The following SPAG16 variants were observed in gnomAD, a reference collection of about 807,000 sequenced individuals.
SPAG16 encodes sperm associated antigen 16, also known as sperm-associated antigen 16 protein.
Under a neutral mutation model 80.4 loss-of-function variants are expected in SPAG16, and 86 were observed. The ratio of observed to expected loss-of-function variants is 1.07; its 90% CI spans 0.90 to 1.28. The LOEUF (loss-of-function observed/expected upper bound fraction) is 1.28, where lower values mean the gene tolerates loss of function less well. SPAG16 is among the 50% of genes most tolerant of loss of function. SPAG16 has a pLI of 0.00. For synonymous variants in SPAG16, 294 were observed against 265.9 expected, an observed-to-expected ratio of 1.11 and a Z score of -1.03; for missense variants, 870 against 765.3, an observed-to-expected ratio of 1.14 and a Z score of -1.61.
At chr2:214,336,540 A>G (rs1319043027) in intron 15 of SPAG16, among the ~76,000 whole-genome samples, 1 of 152,146 alleles carries the variant, frequency 6.6e-6, no homozygotes, top group Admixed American at 6.5e-5. Flanking sequence ...AACTGATGCA[A>G]ATTTTCAAAC....
At chr2:214,250,555 A>C (rs1442144428) in intron 15 of SPAG16, among the ~76,000 whole-genome samples, 1 of 149,734 alleles carries the variant, frequency 6.7e-6, no homozygotes, top group Non-Finnish European at 1.5e-5. Context: ...TGTTAATTCA[A>C]TAACCTTTTG....
At chr2:213,756,454 C>T (rs1304973957) in intron 10 of SPAG16, among the ~76,000 whole-genome samples, 1 of 152,188 alleles carries the variant, frequency 6.6e-6, no homozygotes, top group Admixed American at 6.5e-5. Context: ...GATCACACCA[C>T]TGCACTCCAG....
At chr2:214,006,751 A>G (rs1304712424) in intron 12 of SPAG16, among the ~76,000 whole-genome samples, 1 of 152,196 alleles carries the variant, frequency 6.6e-6, no homozygotes, top group African/African-American at 2.4e-5. Flanking sequence ...TCTGGCAGCT[A>G]ATTAATCTTT....
At chr2:214,164,288 T>C (rs990164103) in intron 15 of SPAG16, among the ~76,000 whole-genome samples, 3 of 152,112 alleles carry the variant, frequency 2.0e-5, no homozygotes, top group Non-Finnish European at 4.4e-5. Flanking sequence ...ATAAGTCTTA[T>C]GAAAAATTAA....
At chr2:213,932,214 G>A (rs2078793924) in intron 12 of SPAG16, among the ~76,000 whole-genome samples, 1 of 131,428 alleles carries the variant, frequency 7.6e-6, no homozygotes, top group Non-Finnish European at 1.6e-5. Flanking sequence ...TGTTGTTGTT[G>A]TTGTTGTTGT....
chr2:213,856,935 T>TA (rs1458455223), intron 10 of SPAG16, among the ~76,000 whole-genome samples: 2 of 152,240 alleles, frequency 1.3e-5, no homozygotes, highest in African/African-American at 2.4e-5. Context: ...GTGGCTAAAC[T>TA]AAAAAATCAT....
At chr2:214,120,072 T>C (rs2054140190) in intron 14 of SPAG16, among the ~76,000 whole-genome samples, 1 of 151,924 alleles carries the variant, frequency 6.6e-6, no homozygotes. Flanking sequence ...CTTTTGTCTT[T>C]CTACAATGCT....
Position 213,615,464 on chromosome 2 carries a change from AC to A in SPAG16, c.1070+125376del, listed in dbSNP as rs377531091. On this transcript the variant is annotated intron_variant, in intron 10 of 15. Coordinates refer to ENST00000331683, the MANE Select transcript of SPAG16 (RefSeq NM_024532.5). ...AAATTACCTGGGTGGGATGGCATGC[AC>A]CTGAAATCCCAGCTACTCGGGAGGC... Among the ~76,000 whole-genome samples, 655 of 152,216 alleles carry A rather than the reference AC, an allele frequency of 4.3e-3. 6 individuals are homozygous for A. The highest frequency in any genetic ancestry group is 0.015 in the African/African-American group (619 of 41,532).
intron 10 of SPAG16, among the ~76,000 whole-genome samples, chr2:213,860,388 TAGACAG>T (rs57419838): frequency 2.8e-5 from 4 of 145,158 alleles, no homozygotes; most frequent in African/African-American, 7.6e-5. Context: ...TATCTATAAA[TAGACAG>T]ATATTTATAC....
chr2:214,265,910 A>AT (rs994284701), intron 15 of SPAG16, among the ~76,000 whole-genome samples: 3 of 151,616 alleles, frequency 2.0e-5, no homozygotes, highest in South Asian at 2.1e-4. Context: ...CATTATTCTA[A>AT]TTTTCCCCTA....
intron 10 of SPAG16, among the ~76,000 whole-genome samples, chr2:213,628,222 T>G (rs1441693457): frequency 6.6e-6 from 1 of 152,212 alleles, no homozygotes; most frequent in Non-Finnish European, 1.5e-5. Context: ...TTCCAGCCTT[T>G]TCTTATGAGG....
At position 213,806,005 on chromosome 2, in the gene SPAG16, T is replaced by C. The variant is rs373227034; in HGVS notation, c.1071-56480T>C. On this transcript the variant is annotated intron_variant, in intron 10 of 15. Transcript: ENST00000331683. ...TCTTGAAAATTAGATATGCTGGAAA[T>C]CGCTTTATATGTAGCATATATGGAT... 9.9e-5 allele frequency among the ~76,000 whole-genome samples: 15 copies of C among 151,684 alleles called. 1 individual carries two copies. The highest frequency in any genetic ancestry group is 9.7e-4 in the East Asian group (5 of 5,158).
chr2:214,355,959 TG>T (rs1195473259), intron 15 of SPAG16, among the ~76,000 whole-genome samples: 6 of 130,840 alleles, frequency 4.6e-5, no homozygotes, highest in Non-Finnish European at 7.7e-5. Flanking sequence ...CACTCATAGG[TG>T]GGAATTAACA....
intron 12 of SPAG16, among the ~76,000 whole-genome samples, chr2:214,003,043 TC>T (rs762931470): frequency 5.9e-5 from 9 of 152,152 alleles, no homozygotes; most frequent in Non-Finnish European, 1.0e-4. Context: ...TTTGACAACT[TC>T]CGTAGTGTAA....
intron 10 of SPAG16, among the ~76,000 whole-genome samples, chr2:213,813,536 G>C (rs1034288449): frequency 6.6e-6 from 1 of 152,114 alleles, no homozygotes; most frequent in South Asian, 2.1e-4. Flanking sequence ...TCTTCTGCTA[G>C]AGGAGGACAG....
At chr2:213,954,183 G>C (rs1408780637) in intron 12 of SPAG16, among the ~76,000 whole-genome samples, 2 of 146,816 alleles carry the variant, frequency 1.4e-5, no homozygotes, top group African/African-American at 5.0e-5. Flanking sequence ...TTGCCAGGCT[G>C]TAGTGCTGCG....
At chr2:213,678,164 C>T (rs1214256575) in intron 10 of SPAG16, among the ~76,000 whole-genome samples, 1 of 152,028 alleles carries the variant, frequency 6.6e-6, no homozygotes, top group Non-Finnish European at 1.5e-5. Context: ...CAAGAGAAAG[C>T]AGGAAAGATG....
intron 10 of SPAG16, among the ~76,000 whole-genome samples, chr2:213,533,548 A>G (rs1464017471): frequency 1.3e-5 from 2 of 152,132 alleles, no homozygotes; most frequent in Non-Finnish European, 2.9e-5. Context: ...TGTGAACCGA[A>G]TGGTACCATA....
chr2:214,040,144 A>G (rs551555772), intron 13 of SPAG16, among the ~76,000 whole-genome samples: 1 of 152,174 alleles, frequency 6.6e-6, no homozygotes, highest in Non-Finnish European at 1.5e-5. Flanking sequence ...GGGAAGTTGC[A>G]TAGCCTGGGA....
Sources: gnomAD v4.1 joint callset for allele counts (sites outside exome capture counted in the v4.1 genomes callset) on GRCh38, gnomAD v4.1.1 for gene constraint, MANE v1.5 for transcripts, NCBI Gene and HGNC (gene_info 2026-07-23, HGNC 2026-07-21) for gene names.